NEK11: variants seen among roughly 807,000 people sequenced by gnomAD.
NEK11 encodes the protein NIMA related kinase 11.
In NEK11, 72 loss-of-function variants were observed where a neutral mutation model predicts 80.7. The observed-to-expected ratio is 0.89, with a 90% CI of 0.74 to 1.08. The LOEUF (loss-of-function observed/expected upper bound fraction) is 1.08. Ranked by LOEUF, NEK11 falls within the 50% of genes least tolerant of loss-of-function variation. The pLI, the probability that NEK11 is intolerant of heterozygous loss-of-function variation, is 0.00. For synonymous variants in NEK11, 251 were observed against 260.7 expected (o/e 0.96, Z 0.36); for missense variants, 764 against 763.6 (o/e 1.00, Z -0.01).
chr3:131,237,660 A>G (rs760950141), intron 15 of NEK11, among the ~76,000 whole-genome samples: 2 of 152,154 alleles, frequency 1.3e-5, no homozygotes, highest in Non-Finnish European at 2.9e-5. Context: ...TCACATATCC[A>G]GTCTGCCTGG....
chr3:131,068,629 C>T (rs931595465), intron 3 of NEK11, among the ~76,000 whole-genome samples: 6 of 152,058 alleles, frequency 3.9e-5, no homozygotes, highest in Admixed American at 1.3e-4. Flanking sequence ...CTTGGGCAGG[C>T]GGGAGAAACC....
chr3:131,055,869 C>T (rs1444166528), intron 3 of NEK11, among the ~76,000 whole-genome samples: 1 of 152,070 alleles, frequency 6.6e-6, no homozygotes, highest in Non-Finnish European at 1.5e-5. Context: ...CAAAAACACC[C>T]AAAATGAAAG....
intron 5 of NEK11, among the ~76,000 whole-genome samples, chr3:131,117,292 G>A (rs1264122622): frequency 6.6e-6 from 1 of 152,188 alleles, no homozygotes. Flanking sequence ...TTGTAGATGT[G>A]TGGTATTATT....
At chr3:131,315,467 CTGTG>C (rs111470166) in intron 17 of NEK11, among the ~76,000 whole-genome samples, 3,509 of 137,596 alleles carry the variant, frequency 0.026, 70 homozygotes, top group African/African-American at 0.059. Context: ...AATAATATTC[CTGTG>C]TGTGTGTGTG....
At chr3:131,093,246 A>C (rs550986049) in intron 4 of NEK11, among the ~76,000 whole-genome samples, 12 of 152,348 alleles carry the variant, frequency 7.9e-5, no homozygotes, top group African/African-American at 2.6e-4. Context: ...CTTACCAATA[A>C]GAAGGGATTA....
chr3:131,290,189 T>C (rs1231313083), intron 17 of NEK11, among the ~76,000 whole-genome samples: 1 of 152,234 alleles, frequency 6.6e-6, no homozygotes, highest in African/African-American at 2.4e-5. Flanking sequence ...GGCAGAGCCC[T>C]GTTACAGTTC....
intron 3 of NEK11, among the ~76,000 whole-genome samples, chr3:131,079,734 T>C (rs2074935399): frequency 6.6e-6 from 1 of 152,210 alleles, no homozygotes; most frequent in Non-Finnish European, 1.5e-5. Context: ...AATATCTCTA[T>C]TAATGTTTTT....
chr3:131,033,272 G>C (rs1198061463), intron 3 of NEK11, among the ~76,000 whole-genome samples: 1 of 152,014 alleles, frequency 6.6e-6, no homozygotes, highest in Non-Finnish European at 1.5e-5. Flanking sequence ...AATTTGACTA[G>C]ATAAGGTTTT....
chr3:131,091,576 C>CA (rs1321724049), intron 4 of NEK11, among the ~76,000 whole-genome samples: 2 of 151,944 alleles, frequency 1.3e-5, no homozygotes, highest in African/African-American at 2.4e-5. Flanking sequence ...TGCTCATTCA[C>CA]AAAAAATAAA....
intron 5 of NEK11, among the ~76,000 whole-genome samples, chr3:131,114,324 G>T (rs200924235): frequency 1.1e-5 from 1 of 93,450 alleles, no homozygotes; most frequent in Non-Finnish European, 2.3e-5. Flanking sequence ...TTCACAGAAA[G>T]CTACTTTGAG....
At chr3:131,043,083 T>A (rs1488378826) in intron 3 of NEK11, among the ~76,000 whole-genome samples, 1 of 152,092 alleles carries the variant, frequency 6.6e-6, no homozygotes, top group African/African-American at 2.4e-5. Flanking sequence ...ACAAAAAGGA[T>A]GACCACGCAA....
At chr3:131,246,633 A>G (rs539819590) in intron 16 of NEK11, among the ~76,000 whole-genome samples, 71 of 152,216 alleles carry the variant, frequency 4.7e-4, no homozygotes, top group African/African-American at 1.7e-3. Context: ...ATACCTAGTA[A>G]TGGGATTGCT....
At chr3:131,074,824 C>T (rs950737731) in intron 3 of NEK11, among the ~76,000 whole-genome samples, 1 of 152,208 alleles carries the variant, frequency 6.6e-6, no homozygotes, top group African/African-American at 2.4e-5. Context: ...TGCCCACCCC[C>T]AGCTCTATTT....
Position 131,171,588 on chromosome 3 carries a change from C to T in NEK11, c.1399+701C>T, listed in dbSNP as rs575694973. 2.0e-5 allele frequency among the ~76,000 whole-genome samples: 3 copies of T among 152,330 alleles called. No homozygotes were observed. The South Asian group carries it at 6.2e-4, about 32-fold the overall frequency. On this transcript the variant is annotated intron_variant, in intron 14 of 17. Coordinates refer to ENST00000383366, the MANE Select transcript of NEK11 (RefSeq NM_024800.5). ...AGAAGGCCCTGACAACATAATCTCT[C>T]TAGGTCTCAGTTTTCTTATCTATGA...
chr3:131,330,175 GA>G (rs1175158096), intron 17 of NEK11: 3 of 152,172 alleles, frequency 2.0e-5, no homozygotes, highest in Non-Finnish European at 4.4e-5. Context: ...GAATGTGAGA[GA>G]AAGAGAGGAA....
At chr3:131,186,511 G>A (rs965392722) in intron 14 of NEK11, among the ~76,000 whole-genome samples, 4 of 152,094 alleles carry the variant, frequency 2.6e-5, no homozygotes, top group East Asian at 1.9e-4. Flanking sequence ...CTAAATGGGC[G>A]CCCTCCTGTT....
chr3:131,303,014 G>A (rs2096678804), intron 17 of NEK11, among the ~76,000 whole-genome samples: 1 of 152,054 alleles, frequency 6.6e-6, no homozygotes, highest in Admixed American at 6.5e-5. Context: ...TGGTGCTTCT[G>A]TGTTGGGTGC....
intron 3 of NEK11, among the ~76,000 whole-genome samples, chr3:131,055,092 T>C (rs1366462786): frequency 6.6e-6 from 1 of 152,204 alleles, no homozygotes; most frequent in Non-Finnish European, 1.5e-5. Flanking sequence ...TGTCTTGCTG[T>C]GTTCCCCAGG....
intron 16 of NEK11, among the ~76,000 whole-genome samples, chr3:131,265,724 G>C (rs920954106): frequency 4.6e-5 from 7 of 152,122 alleles, no homozygotes; most frequent in Non-Finnish European, 1.0e-4. Context: ...GATGATGCTG[G>C]CCTCATAAAA....
Sources: allele counts gnomAD v4.1 joint callset (sites outside exome capture counted in the v4.1 genomes callset), GRCh38; gene constraint gnomAD v4.1.1; transcripts MANE v1.5; gene names NCBI Gene and HGNC (gene_info 2026-07-23, HGNC 2026-07-21).